MGAM2: variants seen among roughly 807,000 people sequenced by gnomAD.
The protein encoded by MGAM2 is probable maltase-glucoamylase 2.
Under a neutral mutation model 96.1 loss-of-function variants are expected in MGAM2, and 98 were observed. The observed-to-expected ratio is 1.02, with a 90% CI of 0.87 to 1.21. The LOEUF (loss-of-function observed/expected upper bound fraction) is 1.21, where lower values mean the gene tolerates loss of function less well. MGAM2 is among the 50% of genes most tolerant of loss of function. The pLI is 0.00. For missense variants in MGAM2, 2,055 were observed against 1,182.4 expected (o/e 1.74, Z -10.82); for synonymous variants, 749 against 414.8 (o/e 1.81, Z -9.79).
chr7:142,207,910 G>T (rs980898137), intron 45 of MGAM2, among the ~76,000 whole-genome samples: 1 of 152,182 alleles, frequency 6.6e-6, no homozygotes, highest in Admixed American at 6.5e-5. Context: ...AGGCAGAAGT[G>T]CTTGGAATCT....
At position 142,136,624 on chromosome 7, in the gene MGAM2, G is replaced by A. The variant is rs1465932667; in HGVS notation, c.831G>A (p.Met277Ile). 1 of 701,674 alleles carries A rather than the reference G, an allele frequency of 1.4e-6. No homozygotes were observed. Among genetic ancestry groups the A allele is most frequent in the African/African-American group, 1.7e-5 (1 of 57,262 alleles). 43.5% of individuals were successfully genotyped at this position (701,674 alleles called of 1,614,324 possible). Residue 277 changes from methionine to isoleucine, a missense_variant, in exon 8 of 48, where the codon ATG becomes ATA. Met to Ile is a conservative substitution (Grantham distance 10). Transcript: ENST00000477922. ...GCTCCTCTTTTGGAGTATTTCTGAT[G>A]AACAGTAATGCCATGGGTAGGAAGC... is the stretch of plus-strand genomic sequence containing the variant. The part of the protein sequence containing the change: ...ARGSSFGVFL[M>I]NSNAMEVTLQ...
chr7:142,124,526 T>A (rs1794684416), intron 3 of MGAM2, among the ~76,000 whole-genome samples: 2 of 152,156 alleles, frequency 1.3e-5, no homozygotes, highest in Non-Finnish European at 2.9e-5. Flanking sequence ...TTACTTTTCT[T>A]CAAGATTGCC....
At chr7:142,171,036 C>T (rs1796167951) in intron 27 of MGAM2, 2 of 548,714 alleles carry the variant, frequency 3.6e-6, no homozygotes, top group Admixed American at 2.9e-5. Context: ...CCCTTGCCCA[C>T]AAGGACCCAG....
intron 15 of MGAM2, among the ~76,000 whole-genome samples, chr7:142,152,845 A>T (rs1410019708): frequency 6.6e-6 from 1 of 152,172 alleles, no homozygotes; most frequent in African/African-American, 2.4e-5. Flanking sequence ...AGTCATTTCA[A>T]TAAAATGCCT....
intron 3 of MGAM2, among the ~76,000 whole-genome samples, chr7:142,122,826 GT>G (rs991857579): frequency 6.6e-6 from 1 of 152,008 alleles, no homozygotes; most frequent in Non-Finnish European, 1.5e-5. Flanking sequence ...TATTAAATAT[GT>G]TTTTGTTGTT....
chr7:142,153,047 G>C (rs1795629219), intron 15 of MGAM2, among the ~76,000 whole-genome samples: 1 of 146,526 alleles, frequency 6.8e-6, no homozygotes, highest in Non-Finnish European at 1.5e-5. Flanking sequence ...CCAGGCTGGA[G>C]TGCAGTGGCA....
chr7:142,211,568 G>T (rs1283678584), intron 46 of MGAM2, among the ~76,000 whole-genome samples: 2 of 152,100 alleles, frequency 1.3e-5, no homozygotes, highest in African/African-American at 4.8e-5. Context: ...TCACTGAATA[G>T]ATCAAGCAAA....
At chr7:142,169,431 TA>T (rs201187870) in intron 26 of MGAM2, among the ~76,000 whole-genome samples, 5 of 150,430 alleles carry the variant, frequency 3.3e-5, no homozygotes, top group East Asian at 2.0e-4. Context: ...AAAATAAAAA[TA>T]AAAAAAAAGA....
intron 4 of MGAM2, 44 bp from the exon 5 acceptor site, chr7:142,131,474 A>G (rs867200637): frequency 4.3e-6 from 3 of 693,144 alleles, no homozygotes; most frequent in Non-Finnish European, 7.9e-6. Context: ...CAAACACTAA[A>G]AGTTAGTCTC....
chr7:142,159,267 C>T lies in MGAM2; in HGVS notation c.2164-20C>T, dbSNP rs143785476. The T allele has an allele frequency of 1.9e-4, 134 of 701,618 alleles. 1 individual carries two copies. In the East Asian group the frequency reaches 3.6e-3, roughly 19 times the overall value. 43.5% of individuals were successfully genotyped at this position (701,618 alleles called of 1,614,324 possible). A position where few individuals can be genotyped will look rare whatever the true frequency, so the allele number is the denominator to read the frequency against. ...TAGAGAGGGGTATGCTAATGCTACT[C>T]ATTATTGTTGTTTACCTAGGGTGTG... is the stretch of plus-strand genomic sequence containing the variant. On this transcript the variant is annotated intron_variant, in intron 19 of 47. Transcript: ENST00000477922.
At chr7:142,126,535 T>C (rs937260272) in intron 3 of MGAM2, among the ~76,000 whole-genome samples, 3 of 152,090 alleles carry the variant, frequency 2.0e-5, no homozygotes, top group African/African-American at 7.2e-5. Flanking sequence ...CAATTTTTCA[T>C]GGTCACTGGA....
chr7:142,114,230 GAAAT>G (rs1817308369), intron 1 of MGAM2, among the ~76,000 whole-genome samples: 6 of 147,392 alleles, frequency 4.1e-5, no homozygotes, highest in African/African-American at 1.0e-4. Flanking sequence ...AAGAAAGAAA[GAAAT>G]AGGAGACTAC....
At chr7:142,206,055 A>C (rs1797390742) in intron 45 of MGAM2, among the ~76,000 whole-genome samples, 1 of 152,124 alleles carries the variant, frequency 6.6e-6, no homozygotes, top group Admixed American at 6.5e-5. Context: ...TATTTTTCTC[A>C]TTGAATTATT....
chr7:142,154,839 GT>G lies in MGAM2; in HGVS notation c.1919del (p.Phe640SerfsTer16). ...PLPRNHNGPG[F>X]RDQDPAAFGV... ...TACCAAGGAATCACAATGGGCCTGG[GT>G]TCAGGGTAAGGTCACCAAAAGAAGT... On this transcript the variant is annotated frameshift_variant, in exon 17 of 48. Coordinates refer to ENST00000477922, the MANE Select transcript of MGAM2 (RefSeq NM_001293626.2). LOFTEE classifies it high-confidence loss of function. 1.4e-6 allele frequency: 1 copy of G among 703,298 alleles called. No homozygotes were observed. The highest frequency in any genetic ancestry group is 2.6e-6 in the Non-Finnish European group (1 of 384,986). 43.6% of individuals were successfully genotyped at this position (703,298 alleles called of 1,614,324 possible). A position where few individuals can be genotyped will look rare whatever the true frequency, so the allele number is the denominator to read the frequency against.
At chr7:142,144,435 A>T (rs1174477384) in intron 13 of MGAM2, among the ~76,000 whole-genome samples, 1 of 152,214 alleles carries the variant, frequency 6.6e-6, no homozygotes, top group African/African-American at 2.4e-5. Flanking sequence ...AATAGATTTG[A>T]TCTTAATTAT....
intron 3 of MGAM2, among the ~76,000 whole-genome samples, chr7:142,129,699 C>G (rs1324403960): frequency 1.3e-5 from 2 of 150,998 alleles, no homozygotes; most frequent in East Asian, 3.9e-4. Context: ...GTGGTGGGAG[C>G]CTGTAATCCT....
rs148022544 is a variant in MGAM2 at position 142,137,459 on chromosome 7, A to G, written c.874A>G (p.Ile292Val). 19 of 701,000 alleles carry G rather than the reference A, an allele frequency of 2.7e-5. No individual in the cohort carries two copies. In the Middle Eastern group the frequency reaches 6.9e-4, roughly 25 times the overall value. The allele number at this position is 701,000 out of a possible 1,614,324, so 43.4% of individuals were successfully genotyped here. A position where few individuals can be genotyped will look rare whatever the true frequency, so the allele number is the denominator to read the frequency against. ...GGTTACCCTTCAGCCAGCTCCTGCG[A>G]TCACTTATCGCACGATTGGAGGCAT... Reference protein sequence around the residue: ...MEVTLQPAPAITYRTIGGILD... With the variant: ...MEVTLQPAPAVTYRTIGGILD... Residue 292 changes from isoleucine to valine, a missense_variant, in exon 9 of 48, where the codon ATC (isoleucine) becomes GTC (valine). Coordinates refer to ENST00000477922, the MANE Select transcript of MGAM2 (RefSeq NM_001293626.2).
chr7:142,129,272 C>G (rs1232907353), intron 3 of MGAM2, among the ~76,000 whole-genome samples: 2 of 152,158 alleles, frequency 1.3e-5, no homozygotes, highest in Non-Finnish European at 2.9e-5. Context: ...AACTAACTTG[C>G]TTTTGATTTT....
intron 45 of MGAM2, chr7:142,208,252 A>T: frequency 6.0e-6 from 3 of 502,022 alleles, no homozygotes; most frequent in South Asian, 3.1e-5. Flanking sequence ...AACTCCTATG[A>T]CTACATGCTT....
Sources: gnomAD v4.1 joint callset for allele counts (sites outside exome capture counted in the v4.1 genomes callset) on GRCh38, gnomAD v4.1.1 for gene constraint, MANE v1.5 for transcripts, NCBI Gene and HGNC (gene_info 2026-07-23, HGNC 2026-07-21) for gene names.